SENP8: variants seen among roughly 807,000 people sequenced by gnomAD.
The protein encoded by SENP8 is sentrin-specific protease 8.
A neutral mutation model predicts 14.4 loss-of-function variants in SENP8; 10 were observed. The ratio of observed to expected loss-of-function variants is 0.69; its 90% confidence interval spans 0.43 to 1.18. The LOEUF (loss-of-function observed/expected upper bound fraction) is 1.18. Among genes scored for constraint, SENP8 ranks in the 50% most tolerant of loss-of-function variants. The pLI is 0.00. For missense variants in SENP8, 202 were observed against 249.4 expected, an observed-to-expected ratio of 0.81 and a Z score of 1.28; for synonymous variants, 94 against 95.5, an observed-to-expected ratio of 0.98 and a Z score of 0.09.
rs78891913 is a variant in SENP8 at position 72,139,984 on chromosome 15, C to T, written c.361C>T (p.His121Tyr). ...AAATAGCTTTTTTCATTATGATTCC[C>T]ATAGCAGGAGCAACTCAGTTCACGC... Reference protein sequence around the residue: ...DKNSFFHYDSHSRSNSVHAKQ... With the variant: ...DKNSFFHYDSYSRSNSVHAKQ... Residue 121 changes from histidine to tyrosine, a missense_variant, in exon 2 of 2, where the codon CAT (histidine) becomes TAT (tyrosine). By Grantham distance (83) the His-to-Tyr change is moderately conservative. Transcript: ENST00000340912. 967 of 1,614,194 alleles carry T rather than the reference C, an allele frequency of 6.0e-4. No homozygotes were observed. The highest frequency in any genetic ancestry group is 7.9e-4 in the Non-Finnish European group (927 of 1,180,040).
At chr15:72,124,245 AT>A (rs1489050138) in intron 1 of SENP8, among the ~76,000 whole-genome samples, 1 of 151,802 alleles carries the variant, frequency 6.6e-6, no homozygotes, top group African/African-American at 2.4e-5. Context: ...CAGGAAAAAT[AT>A]TTATTTATTA....
rs540010222 is a variant in SENP8, at chr15:72,138,701, G to A, written c.-47-876G>A. ...AAATACGCCAGGTGCGGTGGCTCAC[G>A]CCTGTAATTCCAGCACTTTGGGAGG... On this transcript the variant is annotated intron_variant, in intron 1 of 1. Coordinates refer to ENST00000340912, the MANE Select transcript of SENP8 (RefSeq NM_145204.4). 7.9e-5 allele frequency among the ~76,000 whole-genome samples: 12 copies of A among 151,178 alleles called. No individual in the cohort carries two copies. In the East Asian group the frequency reaches 2.4e-3, roughly 30 times the overall value.
intron 1 of SENP8, chr15:72,135,576 C>T (rs1046529960): frequency 6.6e-6 from 1 of 152,006 alleles, no homozygotes; most frequent in East Asian, 1.9e-4. Flanking sequence ...TCTTCAAATA[C>T]GAAGTTTAGA....
chr15:72,133,230 T>A (rs921024976), intron 1 of SENP8, among the ~76,000 whole-genome samples: 3 of 152,200 alleles, frequency 2.0e-5, no homozygotes, highest in Non-Finnish European at 2.9e-5. Flanking sequence ...TACCAATTAG[T>A]TCTATATATT....
intron 1 of SENP8, among the ~76,000 whole-genome samples, chr15:72,124,212 T>G (rs1408644378): frequency 1.3e-5 from 2 of 152,234 alleles, no homozygotes; most frequent in African/African-American, 4.8e-5. Flanking sequence ...CAAGATATGT[T>G]TCACTTCTGT....
intron 1 of SENP8, among the ~76,000 whole-genome samples, chr15:72,120,806 T>C (rs1377311540): frequency 6.6e-6 from 1 of 152,234 alleles, no homozygotes; most frequent in Non-Finnish European, 1.5e-5. Context: ...TTTAATGTGA[T>C]GTGAAAATAT....
intron 1 of SENP8, among the ~76,000 whole-genome samples, chr15:72,126,819 C>T (rs1210341385): frequency 6.6e-6 from 1 of 152,230 alleles, no homozygotes; most frequent in Non-Finnish European, 1.5e-5. Context: ...ACTCCATCAT[C>T]ATATTTAAAA....
chr15:72,140,193 C>T lies in SENP8; in HGVS notation c.570C>T (p.Leu190=), dbSNP rs1167932615. 6.2e-7 allele frequency: 1 copy of T among 1,614,120 alleles called. No individual in the cohort carries two copies. ...RQQTESLLQL[L]TPAYITKKRG... is the part of the protein sequence containing the mutation. ...AGACAGAATCACTGCTGCAGCTACT[C>T]ACCCCTGCATACATCACAAAGAAGA... The change falls in exon 2 of 2, where the codon CTC becomes CTT. Residue 190 remains leucine (L), a synonymous_variant. Coordinates refer to ENST00000340912, the MANE Select transcript of SENP8 (RefSeq NM_145204.4).
intron 1 of SENP8, among the ~76,000 whole-genome samples, chr15:72,133,140 C>A (rs1002554647): frequency 9.2e-5 from 14 of 152,340 alleles, no homozygotes; most frequent in African/African-American, 3.1e-4. Flanking sequence ...CACTGCACCC[C>A]AGCCTGGGCG....
At chr15:72,129,148 AAAAT>A (rs2081247132) in intron 1 of SENP8, among the ~76,000 whole-genome samples, 1 of 152,252 alleles carries the variant, frequency 6.6e-6, no homozygotes, top group African/African-American at 2.4e-5. Flanking sequence ...TTAATCCCAT[AAAAT>A]AAATACTTAT....
chr15:72,115,452 A>C (rs1360768131), upstream of SENP8, among the ~76,000 whole-genome samples: 1 of 152,206 alleles, frequency 6.6e-6, no homozygotes, highest in East Asian at 1.9e-4. Context: ...TCCCCACCTC[A>C]GTGAAAGGCA....
At chr15:72,116,037 G>A (rs938361111), upstream of SENP8, among the ~76,000 whole-genome samples, 23 of 152,288 alleles carry the variant, frequency 1.5e-4, 1 homozygote, top group Middle Eastern at 6.8e-3. Context: ...TGTATAGAAT[G>A]TAAAGTATGC....
At chr15:72,137,773 C>T (rs1016471951) in intron 1 of SENP8, among the ~76,000 whole-genome samples, 48 of 152,162 alleles carry the variant, frequency 3.2e-4, no homozygotes, top group African/African-American at 9.6e-4. Flanking sequence ...GAGATCGAGA[C>T]CATCCTGGCT....
intron 1 of SENP8, among the ~76,000 whole-genome samples, chr15:72,129,318 C>T (rs2081248846): frequency 6.6e-6 from 1 of 151,896 alleles, no homozygotes; most frequent in Non-Finnish European, 1.5e-5. Flanking sequence ...TCACTGGAGC[C>T]AAGGAGTTCA....
At chr15:72,118,841 C>A (rs1596636625) in intron 1 of SENP8, among the ~76,000 whole-genome samples, 1 of 152,154 alleles carries the variant, frequency 6.6e-6, no homozygotes, top group African/African-American at 2.4e-5. Flanking sequence ...ATGCTGTCTG[C>A]GCACAGAAGA....
chr15:72,118,482 C>G lies in SENP8; in HGVS notation c.-48+18C>G, dbSNP rs923009944. 2.2e-4 allele frequency: 33 copies of G among 152,484 alleles called. 2 individuals carry two copies. The allele number at this position is 152,484 out of a possible 1,614,324, so 9.4% of individuals were successfully genotyped here. A position where few individuals can be genotyped will look rare whatever the true frequency, so the allele number is the denominator to read the frequency against. ...CGAGGCAGGTAAGAAGCCTCCTCCC[C>G]ACTTCGGTTTGTCTCGGCAGTGGAT... On this transcript the variant is annotated intron_variant, in intron 1 of 1. Coordinates refer to ENST00000340912, the MANE Select transcript of SENP8 (RefSeq NM_145204.4).
At chr15:72,132,662 T>TTC (rs1357768008) in intron 1 of SENP8, among the ~76,000 whole-genome samples, 3 of 151,190 alleles carry the variant, frequency 2.0e-5, no homozygotes, top group Non-Finnish European at 4.4e-5. Flanking sequence ...TCTTTTTTTT[T>TTC]TTTTTTTTTT....
Position 72,140,590 on chromosome 15 carries a change from A to G in SENP8, c.*328A>G, listed in dbSNP as rs184878594. 1.5e-4 allele frequency: 35 copies of G among 238,756 alleles called. No homozygotes were observed. Among genetic ancestry groups the G allele is most frequent in the African/African-American group, 6.9e-4 (30 of 43,568 alleles). 14.8% of individuals were successfully genotyped at this position (238,756 alleles called of 1,614,324 possible). A position where few individuals can be genotyped will look rare whatever the true frequency, so the allele number is the denominator to read the frequency against. On this transcript the variant is annotated 3_prime_UTR_variant, in exon 2 of 2. Coordinates refer to ENST00000340912, the MANE Select transcript of SENP8 (RefSeq NM_145204.4). The stretch of plus-strand genomic sequence containing the variant: ...ATTTCCTTTGGTCTCCCTTATCCAC[A>G]TTGGCTTATTCTGGAGGAAAAGCAG...
At chr15:72,118,736 G>A (rs924811404) in intron 1 of SENP8, among the ~76,000 whole-genome samples, 2 of 152,150 alleles carry the variant, frequency 1.3e-5, no homozygotes, top group Non-Finnish European at 2.9e-5. Flanking sequence ...GGCGAATTAA[G>A]TGGTGTCAGC....
Sources: allele counts gnomAD v4.1 joint callset (sites outside exome capture counted in the v4.1 genomes callset), GRCh38; gene constraint gnomAD v4.1.1; transcripts MANE v1.5; gene names NCBI Gene and HGNC (gene_info 2026-07-23, HGNC 2026-07-21).